TRIM37: variants seen among roughly 807,000 people sequenced by gnomAD.
The protein encoded by TRIM37 is tripartite motif containing 37.
Under a neutral mutation model 129.8 loss-of-function variants are expected in TRIM37, and 80 were observed. The observed-to-expected ratio is 0.62, with a 90% CI of 0.51 to 0.74. TRIM37 has a LOEUF of 0.74. TRIM37 is among the 30% of genes least tolerant of loss of function. The pLI is 0.00. For missense variants in TRIM37, 1,054 were observed against 1,176.5 expected (o/e 0.90, Z 1.52); for synonymous variants, 389 against 387.1 (o/e 1.00, Z -0.06).
At chr17:59,033,476 A>G (rs2038109852) in intron 17 of TRIM37, among the ~76,000 whole-genome samples, 1 of 152,140 alleles carries the variant, frequency 6.6e-6, no homozygotes, top group South Asian at 2.1e-4. Context: ...ACTGTTGCCC[A>G]GGCTGGAGTG....
At chr17:59,015,015 T>G (rs1598898723) in intron 21 of TRIM37, among the ~76,000 whole-genome samples, 1 of 146,812 alleles carries the variant, frequency 6.8e-6, no homozygotes, top group Admixed American at 6.9e-5. Flanking sequence ...AGGCGGAGCG[T>G]GCAGTGAGCT....
At chr17:59,051,646 G>C (rs1055566576) in intron 13 of TRIM37, among the ~76,000 whole-genome samples, 2 of 152,042 alleles carry the variant, frequency 1.3e-5, no homozygotes, top group African/African-American at 2.4e-5. Context: ...GGGAAGAAGA[G>C]AGCCATATAC....
At chr17:59,017,664 G>C (rs1179753989) in intron 19 of TRIM37, among the ~76,000 whole-genome samples, 1 of 150,906 alleles carries the variant, frequency 6.6e-6, no homozygotes, top group Non-Finnish European at 1.5e-5. Flanking sequence ...TGCTCTTGTT[G>C]CCCAGGCTGG....
intron 19 of TRIM37, among the ~76,000 whole-genome samples, chr17:59,025,450 A>C (rs554250508): frequency 6.6e-6 from 1 of 151,710 alleles, no homozygotes; most frequent in African/African-American, 2.4e-5. Flanking sequence ...TTCATGGATG[A>C]ATATTATTAA....
chr17:58,987,753 C>G (rs528004592), intron 24 of TRIM37, among the ~76,000 whole-genome samples: 2 of 152,240 alleles, frequency 1.3e-5, no homozygotes, highest in African/African-American at 4.8e-5. Flanking sequence ...TTTTTCTAAT[C>G]TTATCACCTT....
Position 59,079,824 on chromosome 17 carries a change from A to G in TRIM37, c.546T>C (p.Ile182=). The part of the protein sequence containing the change: ...RNAKDERVRE[I]RNAVEMMIAR... Reference sequence around the variant, plus strand: ...CAATCATCATCTCCACTGCATTCCTAATTTCCCGAACACGCTCATCTTTTG... The same window carrying G: ...CAATCATCATCTCCACTGCATTCCTGATTTCCCGAACACGCTCATCTTTTG... Residue 182 remains isoleucine (I), a synonymous_variant, in exon 7 of 24, where the codon ATT becomes ATC. Coordinates refer to ENST00000262294, the MANE Select transcript of TRIM37 (RefSeq NM_015294.6). 2 of 1,614,044 alleles carry G rather than the reference A, an allele frequency of 1.2e-6. No individual in the cohort carries two copies. Among genetic ancestry groups the G allele is most frequent in the South Asian group, 1.1e-5 (1 of 91,080 alleles).
At chr17:59,052,151 C>G (rs967598631) in intron 13 of TRIM37, among the ~76,000 whole-genome samples, 1 of 151,368 alleles carries the variant, frequency 6.6e-6, no homozygotes, top group African/African-American at 2.4e-5. Context: ...AGTACTGCAC[C>G]TACATAAAAT....
chr17:58,979,830 A>G, downstream of TRIM37: 1 of 681,704 alleles, frequency 1.5e-6, no homozygotes, highest in Non-Finnish European at 2.4e-6. Flanking sequence ...GTATTTTGTC[A>G]AAAACTATTT....
intron 8 of TRIM37, among the ~76,000 whole-genome samples, chr17:59,074,215 T>C (rs2042619694): frequency 6.6e-6 from 1 of 152,226 alleles, no homozygotes. Context: ...TCCATTTTAA[T>C]CTTGTGGGAC....
At chr17:59,095,537 T>A (rs2044771099) in intron 2 of TRIM37, among the ~76,000 whole-genome samples, 1 of 152,146 alleles carries the variant, frequency 6.6e-6, no homozygotes, top group Admixed American at 6.6e-5. Flanking sequence ...AAACAGGCAG[T>A]AAATAGGAAA....
At chr17:58,973,678 C>T in the TRIM37 span, among the ~76,000 whole-genome samples, 2 of 151,712 alleles carry the variant, frequency 1.3e-5, no homozygotes, top group Non-Finnish European at 2.9e-5. Context: ...AAAGGCCGGG[C>T]GCAGTGGGTC....
chr17:59,059,102 T>A (rs924861015), intron 12 of TRIM37: 1 of 152,146 alleles, frequency 6.6e-6, no homozygotes, highest in African/African-American at 2.4e-5. Flanking sequence ...CCGGGCACAG[T>A]GGCACACACC....
downstream of TRIM37, among the ~76,000 whole-genome samples, chr17:58,994,717 A>AG (rs368371798): frequency 7.5e-4 from 114 of 152,218 alleles, no homozygotes; most frequent in African/African-American, 2.7e-3. Context: ...ACAGATGCTA[A>AG]GGAACAGCTG....
At chr17:59,078,187 G>A (rs2042981275) in intron 7 of TRIM37, among the ~76,000 whole-genome samples, 1 of 151,774 alleles carries the variant, frequency 6.6e-6, no homozygotes, top group South Asian at 2.1e-4. Flanking sequence ...AAAAATCTGA[G>A]GCTTATAAGA....
chr17:59,104,245 A>AATATATACT, intron 2 of TRIM37, 48 bp downstream of exon 2: 1 of 1,527,012 alleles, frequency 6.5e-7, no homozygotes. Context: ...TAATCCTTAC[A>AATATATACT]ATATATACTA....
intron 4 of TRIM37, among the ~76,000 whole-genome samples, chr17:59,085,257 C>A (rs2043651412): frequency 6.6e-6 from 1 of 151,828 alleles, no homozygotes; most frequent in Admixed American, 6.6e-5. Context: ...ACCCGGGAGG[C>A]AGAGGTTGCA....
At chr17:58,969,359 A>G in the TRIM37 span, 1 of 714,366 alleles carries the variant, frequency 1.4e-6, no homozygotes, top group East Asian at 2.7e-5. Flanking sequence ...AGATACCCTA[A>G]TATTGCAGGT....
chr17:59,081,076 A>T (rs756221648), intron 6 of TRIM37, 21 bp downstream of exon 6: 5 of 1,522,054 alleles, frequency 3.3e-6, no homozygotes, highest in Non-Finnish European at 4.5e-6. Flanking sequence ...CAAAATAATT[A>T]TATTTTAGTA....
At chr17:59,042,377 A>C (rs1348907222) in intron 16 of TRIM37, among the ~76,000 whole-genome samples, 1 of 140,114 alleles carries the variant, frequency 7.1e-6, no homozygotes, top group Non-Finnish European at 1.5e-5. Flanking sequence ...TCCATCTCAA[A>C]AAAAAAAAAA....
Sources: allele counts gnomAD v4.1 joint callset (sites outside exome capture counted in the v4.1 genomes callset), GRCh38; gene constraint gnomAD v4.1.1; transcripts MANE v1.5; gene names NCBI Gene and HGNC (gene_info 2026-07-23, HGNC 2026-07-21).